The following PLPPR1 variants were observed in gnomAD, a reference collection of about 807,000 sequenced individuals.
The protein encoded by PLPPR1 is phospholipid phosphatase-related protein type 1.
In PLPPR1, 10 loss-of-function variants were observed where a neutral mutation model predicts 33.1. The observed-to-expected ratio is 0.30, with a 90% CI of 0.19 to 0.51. PLPPR1 has a LOEUF of 0.51. PLPPR1 is among the 20% of genes least tolerant of loss of function. The pLI is 0.97. For synonymous variants in PLPPR1, 151 were observed against 151.0 expected, an observed-to-expected ratio of 1.00 and a Z score of 0.00; for missense variants, 304 against 408.1, an observed-to-expected ratio of 0.74 and a Z score of 2.20.
At chr9:101,078,102 G>GAGAAGGAGAAGGAGAAGA (rs1564138111) in intron 1 of PLPPR1, among the ~76,000 whole-genome samples, 1 of 24,874 alleles carries the variant, frequency 4.0e-5, no homozygotes, top group Non-Finnish European at 7.1e-5. Context: ...GAAGGAGAAG[G>GAGAAGGAGAAGGAGAAGA]AGAAGAAGAA....
intron 1 of PLPPR1, among the ~76,000 whole-genome samples, chr9:101,151,431 GAAA>G (rs1191394978): frequency 6.6e-6 from 1 of 152,096 alleles, no homozygotes; most frequent in Non-Finnish European, 1.5e-5. Flanking sequence ...ATTATCAAAG[GAAA>G]ATATATTAGT....
chr9:101,272,061 A>AG (rs1828111312), intron 3 of PLPPR1, among the ~76,000 whole-genome samples: 4 of 152,146 alleles, frequency 2.6e-5, no homozygotes, highest in Non-Finnish European at 2.9e-5. Flanking sequence ...TGAAAATATA[A>AG]ACTTAAGACT....
intron 1 of PLPPR1, among the ~76,000 whole-genome samples, chr9:101,045,150 A>C (rs557013124): frequency 3.3e-5 from 5 of 152,326 alleles, no homozygotes; most frequent in African/African-American, 9.6e-5. Context: ...TGAAAGCACC[A>C]AACTCAGTGC....
At chr9:101,125,463 G>A in intron 1 of PLPPR1, 1 of 282,890 alleles carries the variant, frequency 3.5e-6, no homozygotes, top group Non-Finnish European at 6.8e-6. Context: ...TATGACCCTG[G>A]GTAGAGCTCA....
intron 2 of PLPPR1, among the ~76,000 whole-genome samples, chr9:101,202,444 C>T (rs1826512012): frequency 6.6e-6 from 1 of 152,320 alleles, no homozygotes; most frequent in African/African-American, 2.4e-5. Context: ...CTGGCCTCAA[C>T]CTTTTGAGGG....
Position 101,246,093 on chromosome 9 carries a change from TATATATATATATATATAG to T in PLPPR1, c.64-23783_64-23766del, listed in dbSNP as rs1215023237. ...ATATATATATATATATATATATATA[TATATATATATATATATAG>T]ATAGATAGATAGATTTGTATAAGCA... is the stretch of plus-strand genomic sequence containing the variant. On this transcript the variant is annotated intron_variant, in intron 2 of 7. Coordinates refer to ENST00000374874, the MANE Select transcript of PLPPR1 (RefSeq NM_207299.2). 3.8e-4 allele frequency among the ~76,000 whole-genome samples: 39 copies of T among 101,884 alleles called. 1 individual carries two copies. Among genetic ancestry groups the T allele is most frequent in the African/African-American group, 1.2e-3 (27 of 22,468 alleles). 66.8% of individuals were successfully genotyped at this position (101,884 alleles called of 152,430 possible). A position where few individuals can be genotyped will look rare whatever the true frequency, so the allele number is the denominator to read the frequency against.
chr9:101,224,307 T>G (rs112151809), intron 2 of PLPPR1, among the ~76,000 whole-genome samples: 3,631 of 152,316 alleles, frequency 0.024, 74 homozygotes, highest in Non-Finnish European at 0.033. Flanking sequence ...CAGGATCATA[T>G]CCAAAAGATA....
At chr9:101,123,287 T>C (rs1831199060) in intron 1 of PLPPR1, among the ~76,000 whole-genome samples, 1 of 152,130 alleles carries the variant, frequency 6.6e-6, no homozygotes, top group Admixed American at 6.5e-5. Context: ...AGAAGTAGAA[T>C]ATTTTTATGG....
intron 1 of PLPPR1, among the ~76,000 whole-genome samples, chr9:101,096,948 C>A (rs113648258): frequency 2.4e-4 from 36 of 152,066 alleles, no homozygotes. Flanking sequence ...CACCTGTAGT[C>A]CCAGCTACAA....
At chr9:101,032,939 A>C (rs1406875886) in intron 1 of PLPPR1, among the ~76,000 whole-genome samples, 1 of 152,230 alleles carries the variant, frequency 6.6e-6, no homozygotes, top group Non-Finnish European at 1.5e-5. Context: ...GTAGTATGGC[A>C]GTGTGTATAA....
At chr9:101,066,970 G>A (rs1830426300) in intron 1 of PLPPR1, among the ~76,000 whole-genome samples, 1 of 151,936 alleles carries the variant, frequency 6.6e-6, no homozygotes, top group Non-Finnish European at 1.5e-5. Flanking sequence ...AGTTACACAA[G>A]ATGAAAAAAT....
intron 1 of PLPPR1, among the ~76,000 whole-genome samples, chr9:101,177,256 C>A (rs1826031927): frequency 6.6e-6 from 1 of 152,042 alleles, no homozygotes; most frequent in Non-Finnish European, 1.5e-5. Flanking sequence ...CATGGGATGC[C>A]TTTTCTTTTT....
At chr9:101,233,686 T>C (rs928486148) in intron 2 of PLPPR1, among the ~76,000 whole-genome samples, 22 of 151,926 alleles carry the variant, frequency 1.4e-4, no homozygotes, top group Admixed American at 1.3e-3. Flanking sequence ...AAGAAGGTCC[T>C]TACCAGATCC....
intron 3 of PLPPR1, among the ~76,000 whole-genome samples, chr9:101,285,067 T>A (rs973111601): frequency 6.6e-6 from 1 of 152,146 alleles, no homozygotes; most frequent in Admixed American, 6.5e-5. Context: ...CAAGGATAAT[T>A]ATGCCTGCAG....
At chr9:101,200,522 G>T (rs1014669594) in intron 2 of PLPPR1, among the ~76,000 whole-genome samples, 1 of 152,150 alleles carries the variant, frequency 6.6e-6, no homozygotes, top group Non-Finnish European at 1.5e-5. Flanking sequence ...AAGGATAGAG[G>T]GCTAAAACAA....
intron 2 of PLPPR1, among the ~76,000 whole-genome samples, chr9:101,228,243 A>G (rs1328392825): frequency 6.6e-6 from 1 of 152,170 alleles, no homozygotes; most frequent in African/African-American, 2.4e-5. Context: ...CCCCTCACCC[A>G]CATGCCCACG....
At chr9:101,198,783 C>T (rs542107315) in intron 2 of PLPPR1, among the ~76,000 whole-genome samples, 8 of 152,134 alleles carry the variant, frequency 5.3e-5, no homozygotes, top group Non-Finnish European at 8.8e-5. Flanking sequence ...TGGCATGGAC[C>T]AAGACCTATA....
chr9:101,264,928 ACT>A (rs1166348876), intron 2 of PLPPR1, among the ~76,000 whole-genome samples: 1 of 151,568 alleles, frequency 6.6e-6, no homozygotes, highest in Non-Finnish European at 1.5e-5. Flanking sequence ...CTCATTCCAA[ACT>A]CTTGCCTCTG....
At chr9:101,244,049 G>A (rs550058716) in intron 2 of PLPPR1, among the ~76,000 whole-genome samples, 1 of 151,986 alleles carries the variant, frequency 6.6e-6, no homozygotes, top group East Asian at 1.9e-4. Context: ...AGGGAGGTTA[G>A]GGCAGAGATA....
Sources: gnomAD v4.1 joint callset for allele counts (sites outside exome capture counted in the v4.1 genomes callset) on GRCh38, gnomAD v4.1.1 for gene constraint, MANE v1.5 for transcripts, NCBI Gene and HGNC (gene_info 2026-07-23, HGNC 2026-07-21) for gene names.